Variants in NWD1 observed in about 807,000 individuals in gnomAD.
The protein encoded by NWD1 is NACHT domain- and WD repeat-containing protein 1.
A neutral mutation model predicts 135.1 loss-of-function variants in NWD1; 129 were observed. The observed-to-expected ratio is 0.96, with a 90% CI of 0.83 to 1.11. NWD1 has a LOEUF of 1.11. Ranked by LOEUF, NWD1 falls within the 50% of genes least tolerant of loss-of-function variation. NWD1 has a pLI of 0.00. For missense variants in NWD1, 1,740 were observed against 1,851.3 expected (o/e 0.94, Z 1.10); for synonymous variants, 773 against 786.0 (o/e 0.98, Z 0.28).
chr19:16,734,965 C>T (rs1429830069), intron 3 of NWD1, among the ~76,000 whole-genome samples: 1 of 151,978 alleles, frequency 6.6e-6, no homozygotes, highest in Admixed American at 6.6e-5. Flanking sequence ...GGTCTTGCTA[C>T]ATTGCCCAAC....
rs777101402 is a variant in NWD1, at chr19:16,788,989, G to A, written c.2739G>A (p.Val913=). ...IHMLTGHTGE[V]RCVKIFAKGT... ...TACCCTGGCCTGCTGCAGGAGAGGT[G>A]AGGTGTGTGAAAATATTTGCCAAAG... Residue 913 remains valine, a synonymous_variant, in exon 13 of 19, where the codon GTG becomes GTA. Transcript: ENST00000524140. The A allele has an allele frequency of 6.2e-7, 1 of 1,611,358 alleles. No homozygotes were observed. Among genetic ancestry groups the A allele is most frequent in the South Asian group, 1.1e-5 (1 of 90,984 alleles).
chr19:16,755,782 C>T (rs1968769978), intron 6 of NWD1, among the ~76,000 whole-genome samples: 2 of 151,896 alleles, frequency 1.3e-5, no homozygotes, highest in Middle Eastern at 6.8e-3. Flanking sequence ...AAGCGATCCT[C>T]CCACCTTGGC....
chr19:16,803,877 A>G (rs1477534715), intron 17 of NWD1, among the ~76,000 whole-genome samples: 18 of 151,824 alleles, frequency 1.2e-4, no homozygotes, highest in Admixed American at 1.2e-3. Context: ...GTGAGCCAAG[A>G]CCATGCCACT....
intron 12 of NWD1, among the ~76,000 whole-genome samples, chr19:16,787,303 TG>T (rs760124266): frequency 1.6e-4 from 25 of 152,118 alleles, no homozygotes; most frequent in African/African-American, 2.7e-4. Flanking sequence ...ATTATTTTTT[TG>T]CAAGATTATA....
intron 13 of NWD1, among the ~76,000 whole-genome samples, chr19:16,790,300 G>A (rs1366424236): frequency 1.3e-5 from 2 of 151,982 alleles, no homozygotes; most frequent in Non-Finnish European, 2.9e-5. Context: ...GACATATCCT[G>A]GCATAGTGCT....
At chr19:16,777,466 G>A (rs1239931670) in intron 11 of NWD1, among the ~76,000 whole-genome samples, 1 of 14,148 alleles carries the variant, frequency 7.1e-5, no homozygotes, top group African/African-American at 3.6e-4. Context: ...GGGAGGGGAG[G>A]GAAGAGGAGG....
intron 4 of NWD1, among the ~76,000 whole-genome samples, chr19:16,740,406 G>A (rs949288224): frequency 6.6e-6 from 1 of 151,976 alleles, no homozygotes; most frequent in Non-Finnish European, 1.5e-5. Context: ...GAACATGTTG[G>A]CTCACTGCAA....
intron 16 of NWD1, 28 bp downstream of exon 16, chr19:16,797,914 C>T (rs1274457031): frequency 2.5e-6 from 4 of 1,589,592 alleles, no homozygotes; most frequent in Non-Finnish European, 3.4e-6. Flanking sequence ...ACCCTTCATC[C>T]TCACCTCCAC....
intron 13 of NWD1, among the ~76,000 whole-genome samples, chr19:16,790,128 G>A (rs905364270): frequency 3.9e-5 from 6 of 152,008 alleles, no homozygotes; most frequent in African/African-American, 1.2e-4. Flanking sequence ...TTTATAAATG[G>A]AGACACACAA....
chr19:16,722,343 C>T (rs1193629446), intron 1 of NWD1, among the ~76,000 whole-genome samples: 1 of 150,500 alleles, frequency 6.6e-6, no homozygotes, highest in Non-Finnish European at 1.5e-5. Context: ...GGATGGAGTG[C>T]AATGGTGCGA....
intron 14 of NWD1, among the ~76,000 whole-genome samples, chr19:16,793,272 C>G (rs948967229): frequency 3.9e-5 from 6 of 151,990 alleles, no homozygotes; most frequent in African/African-American, 1.4e-4. Flanking sequence ...CTTACTTTAT[C>G]TCTCAGGCGG....
chr19:16,762,016 G>A lies in NWD1; in HGVS notation c.2011G>A (p.Gly671Arg), dbSNP rs1365861797. ...VEVVRERYLSGSERAKRHGVL... is the reference protein window; with the variant it reads ...VEVVRERYLSRSERAKRHGVL... ...GGTGGTCCGTGAGCGCTACCTGTCA[G>A]GATCCGAGAGAGCCAAGAGGCATGG... is the stretch of plus-strand genomic sequence containing the variant. Residue 671 changes from glycine (G) to arginine (R), a missense_variant, in exon 8 of 19, where the codon GGA becomes AGA. By Grantham distance (125) the Gly-to-Arg change is moderately radical. Transcript: ENST00000524140. 2 of 1,613,974 alleles carry A rather than the reference G, an allele frequency of 1.2e-6. No individual in the cohort carries two copies. The highest frequency in any genetic ancestry group is 3.3e-5 in the Admixed American group (2 of 59,968).
chr19:16,758,673 C>T (rs1599478556), intron 6 of NWD1, among the ~76,000 whole-genome samples: 1 of 152,100 alleles, frequency 6.6e-6, no homozygotes, highest in East Asian at 1.9e-4. Context: ...TACCACTTCC[C>T]TCCCTATAGT....
At chr19:16,776,894 A>G (rs1459851948) in intron 11 of NWD1, among the ~76,000 whole-genome samples, 7 of 138,104 alleles carry the variant, frequency 5.1e-5, no homozygotes, top group Non-Finnish European at 9.3e-5. Flanking sequence ...GTGAGCTGTG[A>G]TTGTGGCACT....
At chr19:16,723,834 T>G (rs1967227632) in intron 1 of NWD1, among the ~76,000 whole-genome samples, 1 of 152,112 alleles carries the variant, frequency 6.6e-6, no homozygotes, top group Admixed American at 6.6e-5. Flanking sequence ...TAGCTGGGAT[T>G]ACAGACGTGC....
intron 9 of NWD1, among the ~76,000 whole-genome samples, chr19:16,764,318 G>C (rs1260074879): frequency 6.6e-6 from 1 of 151,986 alleles, no homozygotes; most frequent in Non-Finnish European, 1.5e-5. Flanking sequence ...TTGTCAGTCT[G>C]TTCATCCACC....
chr19:16,759,027 A>G (rs1968903085), intron 6 of NWD1, among the ~76,000 whole-genome samples, 198 bp from the exon 7 acceptor site: 1 of 138,826 alleles, frequency 7.2e-6, no homozygotes, highest in East Asian at 2.0e-4. Flanking sequence ...AAAAAAAAAA[A>G]AAAATCGGAA....
chr19:16,760,637 C>T (rs1303165629), intron 7 of NWD1, among the ~76,000 whole-genome samples: 10 of 152,032 alleles, frequency 6.6e-5, no homozygotes. Context: ...GTTGCCCAGG[C>T]TAGAGTGCAG....
At chr19:16,756,067 T>C (rs1346570289) in intron 6 of NWD1, among the ~76,000 whole-genome samples, 1 of 151,732 alleles carries the variant, frequency 6.6e-6, no homozygotes, top group Non-Finnish European at 1.5e-5. Context: ...CAAAACAAGG[T>C]AGAGAAAAGA....
Sources: allele counts gnomAD v4.1 joint callset (sites outside exome capture counted in the v4.1 genomes callset), GRCh38; gene constraint gnomAD v4.1.1; transcripts MANE v1.5; gene names NCBI Gene and HGNC (gene_info 2026-07-23, HGNC 2026-07-21).